ALG8: variants seen among roughly 807,000 people sequenced by gnomAD.
ALG8 encodes the protein dolichyl pyrophosphate Glc1Man9GlcNAc2 alpha-1,3-glucosyltransferase.
A neutral mutation model predicts 70.2 loss-of-function variants in ALG8; 48 were observed. The observed-to-expected ratio is 0.68, with a 90% CI of 0.54 to 0.87. The LOEUF (loss-of-function observed/expected upper bound fraction) is 0.87, where lower values mean the gene tolerates loss of function less well. Ranked by LOEUF, ALG8 falls within the 40% of genes least tolerant of loss-of-function variation. The pLI is 0.00. For synonymous variants in ALG8, 234 were observed against 229.0 expected (o/e 1.02, Z -0.20); for missense variants, 572 against 608.7 (o/e 0.94, Z 0.64).
intron 1 of ALG8, among the ~76,000 whole-genome samples, chr11:78,129,498 A>C (rs946178435): frequency 6.6e-6 from 1 of 152,190 alleles, no homozygotes; most frequent in Non-Finnish European, 1.5e-5. Context: ...AAACAGCAGA[A>C]TAGCTAAATA....
At chr11:78,129,231 T>G (rs201755477) in intron 1 of ALG8, among the ~76,000 whole-genome samples, 12 of 151,730 alleles carry the variant, frequency 7.9e-5, no homozygotes, top group African/African-American at 2.9e-4. Context: ...CCATCCTGGC[T>G]AACATGGTGA....
chr11:78,118,068 C>T (rs1321010983), intron 5 of ALG8, among the ~76,000 whole-genome samples: 2 of 91,120 alleles, frequency 2.2e-5, no homozygotes, highest in African/African-American at 6.0e-5. Flanking sequence ...GAGACTCCGT[C>T]TCAAAAAAAA....
chr11:78,106,120 C>G (rs1399782821), intron 10 of ALG8, among the ~76,000 whole-genome samples: 1 of 152,144 alleles, frequency 6.6e-6, no homozygotes, highest in African/African-American at 2.4e-5. Context: ...TAGACTAAAT[C>G]CTTACTTTGA....
intron 2 of ALG8, among the ~76,000 whole-genome samples, chr11:78,127,055 C>T (rs1051455283): frequency 1.1e-4 from 16 of 151,708 alleles, no homozygotes; most frequent in Non-Finnish European, 1.5e-4. Flanking sequence ...TCTCGGCTCA[C>T]TGCAACCTCC....
rs775582559 is a variant in ALG8, at chr11:78,127,430, G to A, written c.102C>T (p.Ser34=). 1.2e-6 allele frequency: 2 copies of A among 1,613,424 alleles called. No individual in the cohort carries two copies. Among genetic ancestry groups the A allele is most frequent in the Admixed American group, 3.3e-5 (2 of 59,994 alleles). ...LKCLLIPTYH[S]TDFEVHRNWL... ...AGTTTCGGTGTACTTCAAAATCTGT[G>A]GAATGGCTACTCAAAACAATTAGAT... is the stretch of plus-strand genomic sequence containing the variant. Residue 34 remains serine, a synonymous_variant, in exon 2 of 13, where the codon TCC becomes TCT. Coordinates refer to ENST00000299626, the MANE Select transcript of ALG8 (RefSeq NM_024079.5).
At chr11:78,112,602 A>C (rs1352119915) in intron 8 of ALG8, 48 bp downstream of exon 8, 8 of 1,609,270 alleles carry the variant, frequency 5.0e-6, no homozygotes, top group South Asian at 1.1e-5. Context: ...CATGTGCCTA[A>C]GTCCTTTCAA....
intron 1 of ALG8, among the ~76,000 whole-genome samples, chr11:78,133,705 CCTGG>C: frequency 6.6e-6 from 1 of 151,984 alleles, no homozygotes; most frequent in Non-Finnish European, 1.5e-5. Context: ...TCGAGACCAC[CCTGG>C]CTAACATGGT....
chr11:78,120,734 C>T (rs1860784520), intron 4 of ALG8, among the ~76,000 whole-genome samples: 1 of 152,122 alleles, frequency 6.6e-6, no homozygotes, highest in African/African-American at 2.4e-5. Context: ...TATGCCTTTT[C>T]CAATTAAAGG....
chr11:78,127,690 C>T (rs929846292), intron 1 of ALG8, among the ~76,000 whole-genome samples: 2 of 151,288 alleles, frequency 1.3e-5, no homozygotes, highest in Non-Finnish European at 2.9e-5. Context: ...GACAAGAAGC[C>T]CAGACTTTCT....
At chr11:78,101,604 G>A (rs1257393706) in intron 12 of ALG8, among the ~76,000 whole-genome samples, 1 of 152,108 alleles carries the variant, frequency 6.6e-6, no homozygotes, top group Admixed American at 6.6e-5. Flanking sequence ...GGGCGACAGA[G>A]TGAGACTCTG....
intron 5 of ALG8, among the ~76,000 whole-genome samples, chr11:78,116,115 T>A (rs1050031596): frequency 6.6e-6 from 1 of 152,060 alleles, no homozygotes; most frequent in Non-Finnish European, 1.5e-5. Flanking sequence ...ATCCCAGCAC[T>A]TTGGGAGACC....
At chr11:78,109,737 C>T (rs1860197808) in intron 8 of ALG8, among the ~76,000 whole-genome samples, 156 bp from the exon 9 acceptor site, 1 of 152,088 alleles carries the variant, frequency 6.6e-6, no homozygotes, top group South Asian at 2.1e-4. Context: ...TACTATTCTA[C>T]CCAAAATGCC....
At chr11:78,109,046 C>T (rs1205850731) in intron 9 of ALG8, among the ~76,000 whole-genome samples, 1 of 152,178 alleles carries the variant, frequency 6.6e-6, no homozygotes, top group Non-Finnish European at 1.5e-5. Context: ...GACAAAACAT[C>T]CACGCTGTCC....
intron 10 of ALG8, 106 bp downstream of exon 10, chr11:78,106,701 T>A (rs1386899084): frequency 4.8e-6 from 7 of 1,465,224 alleles, no homozygotes; most frequent in Non-Finnish European, 5.7e-6. Flanking sequence ...TATACATCTT[T>A]GTTTTTGCCT....
intron 1 of ALG8, among the ~76,000 whole-genome samples, chr11:78,128,612 CTTT>C (rs369506357): frequency 3.6e-5 from 5 of 137,864 alleles, no homozygotes; most frequent in Non-Finnish European, 3.1e-5. Context: ...TCCCAAATTA[CTTT>C]TTTTTTTTTT....
intron 3 of ALG8, among the ~76,000 whole-genome samples, chr11:78,121,776 T>C (rs1860836814): frequency 6.6e-6 from 1 of 152,176 alleles, no homozygotes; most frequent in Non-Finnish European, 1.5e-5. Context: ...TTTAACACTC[T>C]AAATTATATA....
At chr11:78,129,419 C>CAA (rs55640013) in intron 1 of ALG8, among the ~76,000 whole-genome samples, 1 of 141,050 alleles carries the variant, frequency 7.1e-6, no homozygotes, top group African/African-American at 2.6e-5. Context: ...GACTCCGTCT[C>CAA]AAAAAAAAAA....
chr11:78,113,606 A>G (rs1340069714), intron 7 of ALG8, among the ~76,000 whole-genome samples: 2 of 151,626 alleles, frequency 1.3e-5, no homozygotes, highest in African/African-American at 2.4e-5. Context: ...CCACCTACTC[A>G]GGAGGCTGAG....
At chr11:78,132,513 C>T (rs547643348) in intron 1 of ALG8, among the ~76,000 whole-genome samples, 11 of 152,278 alleles carry the variant, frequency 7.2e-5, no homozygotes, top group South Asian at 2.1e-4. Flanking sequence ...TTATAAGCTC[C>T]GGCATGATTT....
Sources: allele counts gnomAD v4.1 joint callset (sites outside exome capture counted in the v4.1 genomes callset), GRCh38; gene constraint gnomAD v4.1.1; transcripts MANE v1.5; gene names NCBI Gene and HGNC (gene_info 2026-07-23, HGNC 2026-07-21).